RGS21: variants seen among roughly 807,000 people sequenced by gnomAD.
The protein encoded by RGS21 is regulator of G-protein signalling 21.
RGS21 carries 19 observed loss-of-function variants against 18.7 expected under a neutral mutation model. The observed-to-expected ratio is 1.01, with a 90% CI of 0.71 to 1.49. The LOEUF (loss-of-function observed/expected upper bound fraction) is 1.49. Among genes scored for constraint, RGS21 ranks in the 40% most tolerant of loss-of-function variants. The pLI, the probability that RGS21 is intolerant of heterozygous loss-of-function variation, is 0.00. For missense variants in RGS21, 194 were observed against 176.8 expected (o/e 1.10, Z -0.55); for synonymous variants, 56 against 57.8 (o/e 0.97, Z 0.14).
At chr1:192,363,768 C>T (rs1256644618) in intron 4 of RGS21, among the ~76,000 whole-genome samples, 2 of 152,126 alleles carry the variant, frequency 1.3e-5, no homozygotes, top group South Asian at 2.1e-4. Flanking sequence ...CACTCTGGCT[C>T]TCAAGGTGTA....
intron 1 of RGS21, among the ~76,000 whole-genome samples, chr1:192,332,784 C>T (rs1456836968): frequency 2.0e-5 from 3 of 152,096 alleles, no homozygotes; most frequent in Admixed American, 1.3e-4. Flanking sequence ...GCCTGTGCCT[C>T]ACACCTGTAG....
At chr1:192,332,432 C>A (rs904501874) in intron 1 of RGS21, among the ~76,000 whole-genome samples, 6 of 152,024 alleles carry the variant, frequency 3.9e-5, no homozygotes, top group Non-Finnish European at 1.5e-5. Context: ...CAACCTTGTT[C>A]GAAACTTCAC....
intron 1 of RGS21, among the ~76,000 whole-genome samples, chr1:192,340,919 C>G (rs774407028): frequency 1.3e-5 from 2 of 152,070 alleles, no homozygotes; most frequent in Non-Finnish European, 2.9e-5. Context: ...GTACCTCCCA[C>G]AATACGTGAG....
intron 3 of RGS21, among the ~76,000 whole-genome samples, chr1:192,351,680 TA>T (rs1659042149): frequency 6.8e-6 from 1 of 147,962 alleles, no homozygotes; most frequent in Non-Finnish European, 1.5e-5. Context: ...ATAACACATA[TA>T]ATATATATGC....
At chr1:192,341,838 C>T (rs1658866388) in intron 1 of RGS21, among the ~76,000 whole-genome samples, 1 of 149,428 alleles carries the variant, frequency 6.7e-6, no homozygotes, top group Admixed American at 6.7e-5. Flanking sequence ...TATTTTCAAG[C>T]ATATATTATA....
intron 3 of RGS21, among the ~76,000 whole-genome samples, chr1:192,349,036 A>T (rs1347562509): frequency 6.6e-6 from 1 of 152,150 alleles, no homozygotes; most frequent in Non-Finnish European, 1.5e-5. Context: ...TATTAAAGAG[A>T]TGTGAATATG....
chr1:192,348,307 T>A (rs1437764712), intron 3 of RGS21, among the ~76,000 whole-genome samples: 1 of 152,142 alleles, frequency 6.6e-6, no homozygotes, highest in Non-Finnish European at 1.5e-5. Context: ...ATTACAGGCA[T>A]AAGCCACTGC....
In RGS21 at chr1:192,331,677, T is replaced by G. The variant is rs368835378; in HGVS notation, c.-60-11300T>G. ...ATTGAGTGGCACAATGAGAGTAACT[T>G]AAAAATTAAGGTACAGGTATTTGAT... On this transcript the variant is annotated intron_variant, in intron 1 of 4. Transcript: ENST00000417209. Among the ~76,000 whole-genome samples, 25 of 151,904 alleles carry G rather than the reference T, an allele frequency of 1.6e-4. No homozygotes were observed. The South Asian group carries it at 5.0e-3, about 30-fold the overall frequency.
intron 3 of RGS21, among the ~76,000 whole-genome samples, chr1:192,348,071 T>C (rs561990386): frequency 4.2e-4 from 62 of 148,006 alleles, no homozygotes; most frequent in Non-Finnish European, 7.6e-4. Flanking sequence ...CAGACTGGAG[T>C]GTAGAGTGTA....
intron 1 of RGS21, among the ~76,000 whole-genome samples, chr1:192,332,773 C>T (rs772391778): frequency 1.2e-4 from 18 of 152,032 alleles, no homozygotes; most frequent in Admixed American, 5.9e-4. Context: ...CCAGACATGG[C>T]GCCTGTGCCT....
intron 1 of RGS21, among the ~76,000 whole-genome samples, chr1:192,317,668 T>C (rs1658439435): frequency 1.3e-5 from 2 of 152,018 alleles, no homozygotes; most frequent in Non-Finnish European, 2.9e-5. Flanking sequence ...TACTTATATA[T>C]GGTTAAATGA....
intron 1 of RGS21, among the ~76,000 whole-genome samples, chr1:192,339,757 C>A (rs1184840448): frequency 6.6e-6 from 1 of 152,014 alleles, no homozygotes; most frequent in Non-Finnish European, 1.5e-5. Context: ...GGAGAAAAAA[C>A]TATGTTACTT....
intron 1 of RGS21, among the ~76,000 whole-genome samples, chr1:192,341,715 G>A (rs1481304863): frequency 6.7e-6 from 1 of 150,276 alleles, no homozygotes. Context: ...ACATTTTAAT[G>A]TAAAATAAGC....
chr1:192,352,671 T>C (rs1020478181), intron 4 of RGS21, among the ~76,000 whole-genome samples: 1 of 152,048 alleles, frequency 6.6e-6, no homozygotes, highest in South Asian at 2.1e-4. Context: ...ATATGTTGCT[T>C]GCCTTTATTT....
intron 1 of RGS21, among the ~76,000 whole-genome samples, chr1:192,339,232 AAAG>A (rs912470283): frequency 6.6e-6 from 1 of 151,988 alleles, no homozygotes; most frequent in African/African-American, 2.4e-5. Flanking sequence ...TTTTAAAAAA[AAAG>A]AACATTGTTT....
intron 4 of RGS21, among the ~76,000 whole-genome samples, chr1:192,352,495 T>C (rs68003991): frequency 0.32 from 48,802 of 151,750 alleles, 9,220 homozygotes; most frequent in African/African-American, 0.52. Context: ...TCTCAAACAG[T>C]GCTAAAATCA....
chr1:192,337,423 T>A (rs1006755958), intron 1 of RGS21, among the ~76,000 whole-genome samples: 2 of 151,988 alleles, frequency 1.3e-5, no homozygotes, highest in Non-Finnish European at 2.9e-5. Context: ...TAAAAAATAT[T>A]GTGTACATAG....
At chr1:192,327,343 G>C (rs1658582181) in intron 1 of RGS21, among the ~76,000 whole-genome samples, 1 of 151,916 alleles carries the variant, frequency 6.6e-6, no homozygotes, top group African/African-American at 2.4e-5. Flanking sequence ...GCAACGAGTA[G>C]ATTATAAAAT....
chr1:192,337,420 T>C (rs1658785913), intron 1 of RGS21, among the ~76,000 whole-genome samples: 1 of 151,992 alleles, frequency 6.6e-6, no homozygotes, highest in Non-Finnish European at 1.5e-5. Flanking sequence ...AAATAAAAAA[T>C]ATTGTGTACA....
Sources: allele counts gnomAD v4.1 joint callset (sites outside exome capture counted in the v4.1 genomes callset), GRCh38; gene constraint gnomAD v4.1.1; transcripts MANE v1.5; gene names NCBI Gene and HGNC (gene_info 2026-07-23, HGNC 2026-07-21).